Variants in DST observed in about 807,000 individuals in gnomAD.
DST encodes bullous pemphigoid antigen.
A neutral mutation model predicts 875.2 loss-of-function variants in DST; 253 were observed. The observed-to-expected ratio is 0.29, with a 90% confidence interval of 0.26 to 0.32. DST has a LOEUF of 0.32. Among genes scored for constraint, DST ranks in the 10% least tolerant of loss-of-function variants. DST has a pLI of 1.00. For synonymous variants in DST, 3,124 were observed against 3,197.1 expected (o/e 0.98, Z 0.77); for missense variants, 8,287 against 9,111.6 (o/e 0.91, Z 3.68).
chr6:56,868,123 CA>C (rs1197248045), intron 3 of DST, among the ~76,000 whole-genome samples: 2 of 152,204 alleles, frequency 1.3e-5, no homozygotes, highest in East Asian at 3.9e-4. Flanking sequence ...GTTCATTTTA[CA>C]AAACATGCAA....
chr6:56,553,442 GT>G lies in DST; in HGVS notation c.15349del (p.Thr5117ProfsTer10). The stretch of plus-strand genomic sequence containing the variant: ...TAACAGATTTTCACCTTCTGCAATG[GT>G]TTTTTCATACATATGAGACTGAGCG... The part of the protein sequence containing the change: ...LTAQSHMYEK[T>X]IAEGENLLLK... On this transcript the variant is annotated frameshift_variant, in exon 61 of 104. Coordinates refer to ENST00000680361, the MANE Select transcript of DST (RefSeq NM_001374736.1). LOFTEE classifies it high-confidence loss of function. The G allele has an allele frequency of 6.2e-7, 1 of 1,605,330 alleles. No individual in the cohort carries two copies.
At chr6:56,648,817 G>T in intron 12 of DST, 128 bp from the exon 13 acceptor site, 1 of 782,468 alleles carries the variant, frequency 1.3e-6, no homozygotes, top group African/African-American at 1.8e-5. Context: ...CCAGCTAAAT[G>T]TTTTCTTACT....
chr6:56,586,968 G>C (rs1359947065), intron 49 of DST, among the ~76,000 whole-genome samples: 1 of 152,172 alleles, frequency 6.6e-6, no homozygotes, highest in Non-Finnish European at 1.5e-5. Flanking sequence ...GGAAAAAACA[G>C]AGCAGAAAAA....
In DST at chr6:56,606,040, A is replaced by G; in HGVS notation, c.8588T>C (p.Met2863Thr). 6.2e-7 allele frequency: 1 copy of G among 1,613,044 alleles called. No homozygotes were observed. ...TTTTTCTAAAGAGCTACAACTGTGC[A>G]TTTTATCCAGAAGAATCATTGTATT... ...NINTMILLDK[M>T]HSCSSLEKQQ... Residue 2863 changes from methionine to threonine, a missense_variant, in exon 40 of 104, where the codon ATG (methionine) becomes ACG (threonine). Met to Thr is a moderately conservative substitution (Grantham distance 81). Around this residue, in one of 10 missense-constraint regions of DST, gnomAD observed 3,138 missense variants for 3,116.6 expected, o/e 1.01. Coordinates refer to ENST00000680361, the MANE Select transcript of DST (RefSeq NM_001374736.1).
chr6:56,954,481 C>A lies in DST; in HGVS notation c.107G>T (p.Cys36Phe), dbSNP rs768755343. ...TTTCTGGAGCTTGCGGTGCCAGCAG[C>A]AGAAGAAGACGATGGTGGCGATGGT... Reference protein sequence around the residue: ...LGTIATIVFFCCWHRKLQKGR... With the variant: ...LGTIATIVFFFCWHRKLQKGR... The change falls in exon 1 of 104, where the codon TGC becomes TTC. Residue 36 changes from cysteine (C) to phenylalanine (F), a missense_variant. By Grantham distance (205) the Cys-to-Phe change is radical. Around this residue, in one of 10 missense-constraint regions of DST, gnomAD observed 1,160 missense variants for 1,424.3 expected, o/e 0.81. Coordinates refer to ENST00000680361, the MANE Select transcript of DST (RefSeq NM_001374736.1). The A allele has an allele frequency of 1.5e-6, 2 of 1,367,556 alleles. No homozygotes were observed. Among genetic ancestry groups the A allele is most frequent in the South Asian group, 2.3e-5 (2 of 88,028 alleles). The allele number at this position is 1,367,556 out of a possible 1,614,324, so 84.7% of individuals were successfully genotyped here.
At chr6:56,771,741 T>C (rs895347460) in intron 4 of DST, among the ~76,000 whole-genome samples, 11 of 152,128 alleles carry the variant, frequency 7.2e-5, no homozygotes, top group African/African-American at 2.7e-4. Flanking sequence ...TCATTAACAG[T>C]TTTTGGCTCA....
Position 56,619,745 on chromosome 6 carries a change from G to A in DST, c.4929+4785C>T, listed in dbSNP as rs78701610. ...GAGTTGTTGAGAATACCCTTTCTCC[G>A]CCTGATCCTTCCTTTCCAGCTCCAA... On this transcript the variant is annotated intron_variant, in intron 36 of 103. Coordinates refer to ENST00000680361, the MANE Select transcript of DST (RefSeq NM_001374736.1). 1.9e-3 allele frequency: 3,114 copies of A among 1,614,056 alleles called. 49 individuals carry two copies. In the African/African-American group the frequency reaches 0.034, roughly 18 times the overall value.
chr6:56,611,613 G>C lies in DST; in HGVS notation c.5059-17C>G, dbSNP rs190803185. 8.6e-4 allele frequency: 1,336 copies of C among 1,547,890 alleles called. 2 individuals are homozygous for C. The highest frequency in any genetic ancestry group is 8.7e-4 in the Non-Finnish European group (976 of 1,123,796). On this transcript the variant is annotated splice_polypyrimidine_tract_variant and intron_variant, in intron 37 of 103. Coordinates refer to ENST00000680361, the MANE Select transcript of DST (RefSeq NM_001374736.1). ...ACTGGAAATCTGTAAGGTAAAGAAG[G>C]CACATTCAAACTCTTCCTCCAAAAG...
intron 55 of DST, among the ~76,000 whole-genome samples, chr6:56,565,656 C>T (rs2097662549): frequency 6.6e-6 from 1 of 152,184 alleles, no homozygotes; most frequent in African/African-American, 2.4e-5. Context: ...AGGTGTCTTC[C>T]AGTCAGGAGG....
At chr6:56,678,737 TACCAG>T (rs1407501315) in intron 9 of DST, among the ~76,000 whole-genome samples, 1 of 152,176 alleles carries the variant, frequency 6.6e-6, no homozygotes, top group African/African-American at 2.4e-5. Context: ...TGTCCCCCTC[TACCAG>T]AGAGAAAAAC....
At chr6:56,710,150 A>G (rs1424938671) in intron 5 of DST, among the ~76,000 whole-genome samples, 2 of 152,192 alleles carry the variant, frequency 1.3e-5, no homozygotes, top group African/African-American at 4.8e-5. Flanking sequence ...ATCACAGGTA[A>G]AATCAAGAGC....
chr6:56,831,447 T>C (rs994371447), intron 4 of DST, among the ~76,000 whole-genome samples: 7 of 152,104 alleles, frequency 4.6e-5, no homozygotes, highest in African/African-American at 1.4e-4. Flanking sequence ...GTCTGCACCA[T>C]CCACCCACAC....
At chr6:56,510,604 G>A (rs2096455266) in intron 73 of DST, among the ~76,000 whole-genome samples, 1 of 152,096 alleles carries the variant, frequency 6.6e-6, no homozygotes, top group Non-Finnish European at 1.5e-5. Context: ...ATCTATGAAT[G>A]AACTTTGTTC....
chr6:56,938,782 C>T (rs965115761), intron 2 of DST, among the ~76,000 whole-genome samples: 1 of 152,150 alleles, frequency 6.6e-6, no homozygotes, highest in African/African-American at 2.4e-5. Context: ...CCAAACCTAA[C>T]CACATGTGAA....
chr6:56,631,194 A>G lies in DST; in HGVS notation c.4142+17T>C, dbSNP rs776551030. On this transcript the variant is annotated intron_variant, in intron 30 of 103. Coordinates refer to ENST00000680361, the MANE Select transcript of DST (RefSeq NM_001374736.1). The stretch of plus-strand genomic sequence containing the variant: ...GTTGTATGAAGCAATTTATATATTG[A>G]GATAGCAGTTACATACTTATCTATG... 3.3e-6 allele frequency: 5 copies of G among 1,507,182 alleles called. No homozygotes were observed. In the East Asian group the frequency reaches 9.1e-5, roughly 27 times the overall value. The allele number at this position is 1,507,182 out of a possible 1,614,324, so 93.4% of individuals were successfully genotyped here. A position where few individuals can be genotyped will look rare whatever the true frequency, so the allele number is the denominator to read the frequency against.
At chr6:56,548,115 G>T (rs893376095) in intron 61 of DST, among the ~76,000 whole-genome samples, 3 of 151,960 alleles carry the variant, frequency 2.0e-5, no homozygotes, top group African/African-American at 7.2e-5. Context: ...GCTTCCCTGG[G>T]CCACACTGGA....
chr6:56,876,297 C>T (rs565682884), intron 3 of DST, among the ~76,000 whole-genome samples: 2 of 152,282 alleles, frequency 1.3e-5, no homozygotes, highest in East Asian at 3.9e-4. Flanking sequence ...AGTTCCTAGC[C>T]TCCTGAGTTC....
At chr6:56,718,305 G>T (rs1311534846) in intron 5 of DST, among the ~76,000 whole-genome samples, 1 of 152,150 alleles carries the variant, frequency 6.6e-6, no homozygotes, top group African/African-American at 2.4e-5. Context: ...ATAAGCACAT[G>T]AAAAGATGCT....
chr6:56,517,353 G>C, intron 70 of DST, 48 bp from the exon 71 acceptor site: 1 of 1,584,572 alleles, frequency 6.3e-7, no homozygotes, highest in Non-Finnish European at 8.6e-7. Context: ...GAAATTGTAT[G>C]ACTAAAATGA....
Sources: allele counts gnomAD v4.1 joint callset (sites outside exome capture counted in the v4.1 genomes callset), GRCh38; gene constraint gnomAD v4.1.1; regional missense constraint gnomAD v4.1.1; transcripts MANE v1.5; gene names NCBI Gene and HGNC (gene_info 2026-07-23, HGNC 2026-07-21).